The following MEF2C variants were observed in gnomAD, a reference collection of about 807,000 sequenced individuals.
The protein encoded by MEF2C is myocyte-specific enhancer factor 2C.
A neutral mutation model predicts 50.5 loss-of-function variants in MEF2C; 6 were observed. The observed-to-expected ratio is 0.12, with a 90% CI of 0.07 to 0.23. The LOEUF (loss-of-function observed/expected upper bound fraction) is 0.23. MEF2C is among the 10% of genes least tolerant of loss of function. The probability of loss-of-function intolerance (pLI) is 1.00; values close to 1 mark genes in which losing one functional copy is unlikely to be tolerated. For synonymous variants in MEF2C, 183 were observed against 228.0 expected (o/e 0.80, Z 1.78); for missense variants, 276 against 605.0 (o/e 0.46, Z 5.70).
chr5:88,771,555 C>G, intron 3 of MEF2C: 1 of 985,348 alleles, frequency 1.0e-6, no homozygotes, highest in South Asian at 4.7e-5. Flanking sequence ...GCTTCACCAC[C>G]AGGTAGTGAG....
intron 4 of MEF2C, among the ~76,000 whole-genome samples, chr5:88,755,249 T>C (rs1434350851): frequency 2.0e-5 from 3 of 152,232 alleles, no homozygotes; most frequent in African/African-American, 4.8e-5. Context: ...ATATTACTTA[T>C]TGAGCAGGCA....
intron 6 of MEF2C, chr5:88,733,008 A>C: frequency 2.2e-6 from 2 of 923,670 alleles, no homozygotes; most frequent in Non-Finnish European, 2.6e-6. Flanking sequence ...CCAGGCTTGA[A>C]AAGCTCTGAA....
At chr5:88,796,467 G>T (rs1796075126) in intron 3 of MEF2C, among the ~76,000 whole-genome samples, 1 of 152,090 alleles carries the variant, frequency 6.6e-6, no homozygotes, top group African/African-American at 2.4e-5. Context: ...TTGTATTTCT[G>T]TGTGATCAGT....
At chr5:88,795,520 T>G (rs1238982976) in intron 3 of MEF2C, among the ~76,000 whole-genome samples, 2 of 152,240 alleles carry the variant, frequency 1.3e-5, no homozygotes, top group Non-Finnish European at 2.9e-5. Context: ...AATTTGCTTA[T>G]CAGCTTAAGG....
intron 4 of MEF2C, among the ~76,000 whole-genome samples, chr5:88,755,492 G>C (rs1369394638): frequency 6.6e-6 from 1 of 152,206 alleles, no homozygotes; most frequent in Non-Finnish European, 1.5e-5. Context: ...ATAAGGGCTA[G>C]ATATTAGCAG....
chr5:88,724,593 C>A (rs1757824124), intron 10 of MEF2C, among the ~76,000 whole-genome samples: 1 of 152,004 alleles, frequency 6.6e-6, no homozygotes, highest in African/African-American at 2.4e-5. Flanking sequence ...TTTTCAAACA[C>A]CTGTTTATAT....
At chr5:88,791,130 A>T (rs142597269) in intron 3 of MEF2C, among the ~76,000 whole-genome samples, 1,686 of 152,300 alleles carry the variant, frequency 0.011, 14 homozygotes, top group Middle Eastern at 0.041. Context: ...TTTTACTTAG[A>T]TGATATCAAT....
chr5:88,738,770 A>G, intron 6 of MEF2C: 1 of 985,400 alleles, frequency 1.0e-6, no homozygotes, highest in Non-Finnish European at 1.2e-6. Flanking sequence ...ACATGTTGTA[A>G]GGTCAACTTG....
Position 88,828,305 on chromosome 5 carries a change from T to C in MEF2C, c.-142-4375A>G, listed in dbSNP as rs190229214. ...ACTTATCTTTGCAAAGCATGTATTT[T>C]TCTGCAATAAGTACAATGCAGTCAC... On this transcript the variant is annotated intron_variant, in intron 1 of 10. Coordinates refer to ENST00000504921, the MANE Select transcript of MEF2C (RefSeq NM_002397.5). 9.9e-5 allele frequency among the ~76,000 whole-genome samples: 15 copies of C among 152,144 alleles called. No individual in the cohort carries two copies. The East Asian group carries it at 2.9e-3, about 30-fold the overall frequency.
At chr5:88,782,219 A>C in intron 3 of MEF2C, 1 of 918,664 alleles carries the variant, frequency 1.1e-6, no homozygotes, top group Non-Finnish European at 1.3e-6. Context: ...CTGTAATCCA[A>C]GCACTTGAGA....
At chr5:88,735,327 A>G in intron 6 of MEF2C, 1 of 985,338 alleles carries the variant, frequency 1.0e-6, no homozygotes, top group Non-Finnish European at 1.2e-6. Context: ...ACAACCTTCT[A>G]ATATATGGAT....
chr5:88,822,934 A>C (rs1213736840), intron 2 of MEF2C, among the ~76,000 whole-genome samples: 1 of 151,988 alleles, frequency 6.6e-6, no homozygotes, highest in African/African-American at 2.4e-5. Context: ...AACGTTATAC[A>C]AACTACCCAG....
chr5:88,773,728 G>C (rs1176852209), intron 3 of MEF2C, among the ~76,000 whole-genome samples: 1 of 152,182 alleles, frequency 6.6e-6, no homozygotes, highest in Non-Finnish European at 1.5e-5. Flanking sequence ...GCAAAAGCTA[G>C]TGGCTAGGAA....
chr5:88,848,850 T>A (rs1327697733), intron 1 of MEF2C, among the ~76,000 whole-genome samples: 2 of 152,038 alleles, frequency 1.3e-5, no homozygotes, highest in African/African-American at 2.4e-5. Flanking sequence ...GGAAAATACT[T>A]CTTAAAATAA....
At chr5:88,759,055 G>C (rs937189557) in intron 4 of MEF2C, among the ~76,000 whole-genome samples, 3 of 152,190 alleles carry the variant, frequency 2.0e-5, no homozygotes, top group Admixed American at 2.0e-4. Context: ...TATTCCAACT[G>C]TGCAGGGGAT....
intron 3 of MEF2C, among the ~76,000 whole-genome samples, chr5:88,794,560 G>C (rs752394840): frequency 1.3e-4 from 20 of 152,148 alleles, no homozygotes; most frequent in Non-Finnish European, 2.4e-4. Flanking sequence ...CAGAGGGATA[G>C]ATTGCACAAA....
At chr5:88,785,276 GCATACACACA>G (rs769700087) in intron 3 of MEF2C, 6 of 82,086 alleles carry the variant, frequency 7.3e-5, no homozygotes, top group Non-Finnish European at 1.3e-4. Context: ...TGCAAAACTG[GCATACACACA>G]CACACACACA....
chr5:88,843,339 A>C, intron 1 of MEF2C: 1 of 984,408 alleles, frequency 1.0e-6, no homozygotes. Flanking sequence ...GTGTTATTTA[A>C]ATTTGGTTCC....
chr5:88,800,928 A>G lies in MEF2C; in HGVS notation c.258+3670T>C, dbSNP rs570507405. 7.9e-5 allele frequency among the ~76,000 whole-genome samples: 12 copies of G among 152,300 alleles called. No homozygotes were observed. The East Asian group carries it at 1.2e-3, about 15-fold the overall frequency. Reference sequence around the variant, plus strand: ...TTATAATATAATCATAAAAAAACTGATCTCAGTCTGTCTGTTAAGCCTTTG... The same window carrying G: ...TTATAATATAATCATAAAAAAACTGGTCTCAGTCTGTCTGTTAAGCCTTTG... On this transcript the variant is annotated intron_variant, in intron 3 of 10. Coordinates refer to ENST00000504921, the MANE Select transcript of MEF2C (RefSeq NM_002397.5).
Sources: allele counts gnomAD v4.1 joint callset (sites outside exome capture counted in the v4.1 genomes callset), GRCh38; gene constraint gnomAD v4.1.1; transcripts MANE v1.5; gene names NCBI Gene and HGNC (gene_info 2026-07-23, HGNC 2026-07-21).